ULK1: variants seen among roughly 807,000 people sequenced by gnomAD.
ULK1 encodes serine/threonine-protein kinase ULK1.
ULK1 carries 48 observed loss-of-function variants against 117.5 expected under a neutral mutation model. The observed-to-expected ratio is 0.41, with a 90% CI of 0.32 to 0.52. ULK1 has a LOEUF of 0.52. Ranked by LOEUF, ULK1 falls within the 20% of genes least tolerant of loss-of-function variation. ULK1 has a pLI of 0.29. For missense variants in ULK1, 1,387 were observed against 1,473.4 expected, an observed-to-expected ratio of 0.94 and a Z score of 0.96; for synonymous variants, 790 against 637.8, an observed-to-expected ratio of 1.24 and a Z score of -3.60.
At position 131,917,406 on chromosome 12, in the gene ULK1, C is replaced by T. The variant is rs370839044; in HGVS notation, c.2183-5C>T. ...ATGCTCCTGAGCCCTTCCTTGCTCT[C>T]CCAGCACCCTCAGCTGGCTTTGGAG... is the stretch of plus-strand genomic sequence containing the variant. On this transcript the variant is annotated splice_polypyrimidine_tract_variant and splice_region_variant and intron_variant, in intron 21 of 27. Coordinates refer to ENST00000321867, the MANE Select transcript of ULK1 (RefSeq NM_003565.4). 871 of 1,504,936 alleles carry T rather than the reference C, an allele frequency of 5.8e-4. 1 individual carries two copies. The highest frequency in any genetic ancestry group is 7.3e-4 in the Non-Finnish European group (826 of 1,129,080). 93.2% of individuals were successfully genotyped at this position (1,504,936 alleles called of 1,614,324 possible).
At position 131,894,912 on chromosome 12, in the gene ULK1, C is replaced by CG; in HGVS notation, c.-88dup. On this transcript the variant is annotated 5_prime_UTR_variant, in exon 1 of 28. The change abolishes the stop of an existing upstream ORF in the 5' untranslated region. Transcript: ENST00000321867. ...CCCCGCGCCCCCGGCCCCGCGCCCC[C>CG]GGCCCGCCCGCCCCGGCCCGCGCCT... 1 of 187,830 alleles carries CG rather than the reference C, an allele frequency of 5.3e-6. No individual in the cohort carries two copies. The highest frequency in any genetic ancestry group is 9.4e-6 in the Non-Finnish European group (1 of 106,136). The allele number at this position is 187,830 out of a possible 1,614,324, so 11.6% of individuals were successfully genotyped here.
At chr12:131,920,370 C>T (rs753162376) in intron 26 of ULK1, 8 of 522,254 alleles carry the variant, frequency 1.5e-5, no homozygotes, top group Non-Finnish European at 2.7e-5. Flanking sequence ...TGCCTCGCCC[C>T]GACTCAGTTT....
chr12:131,901,025 G>A (rs574029121), intron 3 of ULK1, among the ~76,000 whole-genome samples: 302 of 152,136 alleles, frequency 2.0e-3, no homozygotes, highest in African/African-American at 6.9e-3. Flanking sequence ...AATTACCTCC[G>A]AAGTTGTGTA....
At chr12:131,920,325 C>G in intron 26 of ULK1, 189 bp downstream of exon 26, 1 of 702,016 alleles carries the variant, frequency 1.4e-6, no homozygotes, top group Non-Finnish European at 2.3e-6. Context: ...TGGGTGCATC[C>G]TTGATTGTAC....
At chr12:131,909,698 G>T in intron 8 of ULK1, 77 bp from the exon 9 acceptor site, 1 of 1,413,942 alleles carries the variant, frequency 7.1e-7, no homozygotes. Context: ...GCCGACTGGG[G>T]ACGAACGCAC....
intron 20 of ULK1, 146 bp from the exon 21 acceptor site, chr12:131,916,807 G>A: frequency 1.0e-6 from 1 of 965,382 alleles, no homozygotes; most frequent in Non-Finnish European, 1.5e-6. Context: ...ATGCCCGCCT[G>A]TAAGCTGGGG....
chr12:131,908,682 C>A lies in ULK1; in HGVS notation c.355C>A (p.Leu119Met). The A allele has an allele frequency of 6.3e-7, 1 of 1,587,180 alleles. No individual in the cohort carries two copies. Among genetic ancestry groups the A allele is most frequent in the Non-Finnish European group, 8.5e-7 (1 of 1,170,130 alleles). ...GAGCGAGGACACCATCAGGCTCTTC[C>A]TGCAGCAGATCGCGGGCGCCATGCG... ...TLSEDTIRLF[L>M]QQIAGAMRLL... Residue 119 changes from leucine to methionine, a missense_variant, in exon 6 of 28, where the codon CTG becomes ATG. Transcript: ENST00000321867.
At chr12:131,920,288 G>C (rs761594237) in intron 26 of ULK1, 152 bp downstream of exon 26, 40 of 1,049,690 alleles carry the variant, frequency 3.8e-5, no homozygotes, top group Non-Finnish European at 5.2e-5. Flanking sequence ...TGCACCCCCA[G>C]CCTCCTGCAG....
At chr12:131,919,126 C>G (rs1465658978) in intron 23 of ULK1, 86 bp from the exon 24 acceptor site, 1 of 1,456,730 alleles carries the variant, frequency 6.9e-7, no homozygotes, top group Non-Finnish European at 9.1e-7. Context: ...CCCTGCCTCC[C>G]CAAGGCGTCA....
intron 22 of ULK1, chr12:131,918,195 C>T (rs1741808644): frequency 4.1e-6 from 2 of 484,278 alleles, no homozygotes; most frequent in East Asian, 3.7e-5. Context: ...ACAGTGGCAG[C>T]TGCCCTCCTC....
intron 3 of ULK1, among the ~76,000 whole-genome samples, chr12:131,905,453 C>T (rs959884754): frequency 1.3e-5 from 2 of 152,130 alleles, no homozygotes; most frequent in Non-Finnish European, 2.9e-5. Context: ...CCTCCAGACA[C>T]GGCTCCCCTT....
Position 131,913,707 on chromosome 12 carries a change from A to G in ULK1, c.1158-40A>G, listed in dbSNP as rs749450551. On this transcript the variant is annotated intron_variant, in intron 14 of 27. Coordinates refer to ENST00000321867, the MANE Select transcript of ULK1 (RefSeq NM_003565.4). ...GTGACAGAGTGAGACTGCCCCAAAA[A>G]AAACAAAAAAATGCCCTTGGCCTCC... 8.5e-6 allele frequency: 12 copies of G among 1,408,446 alleles called. No individual in the cohort carries two copies. The South Asian group carries it at 1.8e-4, about 22-fold the overall frequency. The allele number at this position is 1,408,446 out of a possible 1,614,324, so 87.2% of individuals were successfully genotyped here.
intron 16 of ULK1, 70 bp from the exon 17 acceptor site, chr12:131,915,013 G>A: frequency 1.3e-6 from 2 of 1,502,404 alleles, no homozygotes; most frequent in East Asian, 2.3e-5. Context: ...CTTGTCCCCA[G>A]GTCCTCTGCC....
At chr12:131,908,477 C>A in intron 5 of ULK1, 167 bp from the exon 6 acceptor site, 1 of 759,076 alleles carries the variant, frequency 1.3e-6, no homozygotes, top group Non-Finnish European at 1.9e-6. Context: ...GCGCCCTGGT[C>A]TCGGCGGCCC....
chr12:131,917,240 G>A (rs1185652283), intron 21 of ULK1, among the ~76,000 whole-genome samples, 171 bp from the exon 22 acceptor site: 1 of 109,074 alleles, frequency 9.2e-6, no homozygotes. Context: ...GACGGGGGTC[G>A]GGTTCGGCTC....
In ULK1 at chr12:131,916,565, C is replaced by T. The variant is rs759134502; in HGVS notation, c.2046C>T (p.Gly682=). The T allele has an allele frequency of 1.7e-5, 27 of 1,595,564 alleles. No homozygotes were observed. The highest frequency in any genetic ancestry group is 6.8e-5 in the African/African-American group (5 of 73,858). ...GQPLGPGLRP[G]EDPKGPFGRS... ...CGTTGGGCCCTGGCCTGCGGCCAGG[C>T]GAGGACCCCAAGGGCCCCTTTGGCC... The change falls in exon 20 of 28, where the codon GGC becomes GGT. Residue 682 remains glycine (G), a synonymous_variant. Transcript: ENST00000321867.
chr12:131,920,579 GTT>G (rs11428159), intron 26 of ULK1: 2 of 193,332 alleles, frequency 1.0e-5, no homozygotes, highest in South Asian at 1.9e-4. Flanking sequence ...ATTTTTTGTT[GTT>G]TTTTTTTAAG....
rs1471042767 is a variant in ULK1, at chr12:131,910,816, A to G, written c.948+16A>G. ...CTCCCCGCCGGTGAGTTGCCGCCCCAGGGGCTTGGCAGCTTCTCCCTCCAC... is the reference window on the plus strand; with the variant it reads ...CTCCCCGCCGGTGAGTTGCCGCCCCGGGGGCTTGGCAGCTTCTCCCTCCAC... On this transcript the variant is annotated intron_variant, in intron 12 of 27. Transcript: ENST00000321867. The G allele has an allele frequency of 6.2e-7, 1 of 1,611,804 alleles. No individual in the cohort carries two copies. Among genetic ancestry groups the G allele is most frequent in the Non-Finnish European group, 8.5e-7 (1 of 1,179,530 alleles).
Position 131,916,153 on chromosome 12 carries a change from C to G in ULK1, c.1872C>G (p.Pro624=). 2 of 1,611,424 alleles carry G rather than the reference C, an allele frequency of 1.2e-6. No homozygotes were observed. The highest frequency in any genetic ancestry group is 1.7e-6 in the Non-Finnish European group (2 of 1,179,396). Residue 624 remains proline, a synonymous_variant, in exon 19 of 28, where the codon CCC becomes CCG. Transcript: ENST00000321867. ...RNPLPPILGS[P]TKAVPSFDFP... The stretch of plus-strand genomic sequence containing the variant: ...CCCTGCCCCCCATCCTGGGCTCCCC[C>G]ACCAAGGTAATGGGCACTGCCATGT...
Sources: gnomAD v4.1 joint callset for allele counts (sites outside exome capture counted in the v4.1 genomes callset) on GRCh38, gnomAD v4.1.1 for gene constraint, MANE v1.5 for transcripts, NCBI Gene and HGNC (gene_info 2026-07-23, HGNC 2026-07-21) for gene names.